RHOBTB3: variants seen among roughly 807,000 people sequenced by gnomAD.
RHOBTB3 encodes the protein rho-related BTB domain-containing protein 3.
In RHOBTB3, 47 loss-of-function variants were observed where a neutral mutation model predicts 67.2. The observed-to-expected ratio is 0.70, with a 90% confidence interval of 0.55 to 0.89. RHOBTB3 has a LOEUF of 0.89. Ranked by LOEUF, RHOBTB3 falls within the 40% of genes least tolerant of loss-of-function variation. RHOBTB3 has a pLI of 0.00. For missense variants in RHOBTB3, 631 were observed against 750.0 expected, an observed-to-expected ratio of 0.84 and a Z score of 1.85; for synonymous variants, 273 against 274.2, an observed-to-expected ratio of 1.00 and a Z score of 0.04.
At chr5:95,776,478 ATTAT>A (rs1226336456) in intron 8 of RHOBTB3, among the ~76,000 whole-genome samples, 1 of 152,168 alleles carries the variant, frequency 6.6e-6, no homozygotes, top group East Asian at 1.9e-4. Context: ...ATATTTTGTA[ATTAT>A]TTCACGCAAT....
At chr5:95,763,387 G>A (rs1745445728) in intron 6 of RHOBTB3, 121 bp from the exon 7 acceptor site, 4 of 635,220 alleles carry the variant, frequency 6.3e-6, no homozygotes, top group South Asian at 4.0e-5. Flanking sequence ...TTATAAGGAT[G>A]TATATCTGGT....
At position 95,731,648 on chromosome 5, in the gene RHOBTB3, C is replaced by G. The variant is rs200474432; in HGVS notation, c.-35C>G. On this transcript the variant is annotated 5_prime_UTR_variant, in exon 1 of 12. Transcript: ENST00000379982. ...CGCGAAGCCGTGAGCCGCTGCTTTT[C>G]TCCGAGTCGCCGCCCTGCCCTTGGA... 6.2e-7 allele frequency: 1 copy of G among 1,612,818 alleles called. No homozygotes were observed. The highest frequency in any genetic ancestry group is 1.3e-5 in the African/African-American group (1 of 75,022).
intron 6 of RHOBTB3, among the ~76,000 whole-genome samples, chr5:95,756,778 T>C (rs1159480387): frequency 6.6e-6 from 1 of 152,234 alleles, no homozygotes; most frequent in East Asian, 1.9e-4. Flanking sequence ...TCTTTTCATA[T>C]GTTTTTGTAT....
chr5:95,737,004 A>G lies in RHOBTB3; in HGVS notation c.344A>G (p.Tyr115Cys), dbSNP rs764286650. 2.5e-6 allele frequency: 4 copies of G among 1,606,288 alleles called. No homozygotes were observed. The East Asian group carries it at 6.7e-5, about 27-fold the overall frequency. ...TCATTCCATGAAGTAAAGGATAATT[A>G]TATTCCAGTGATAAAAAGAGCATTA... is the stretch of plus-strand genomic sequence containing the variant. Reference protein sequence around the residue: ...KFSFHEVKDNYIPVIKRALNS... With the variant: ...KFSFHEVKDNCIPVIKRALNS... Residue 115 changes from tyrosine to cysteine, a missense_variant, in exon 3 of 12, where the codon TAT becomes TGT. Physicochemically the swap from Tyr to Cys is radical, Grantham distance 194. Coordinates refer to ENST00000379982, the MANE Select transcript of RHOBTB3 (RefSeq NM_014899.4).
At chr5:95,746,902 C>CAT (rs1744931223) in intron 3 of RHOBTB3, among the ~76,000 whole-genome samples, 1 of 152,196 alleles carries the variant, frequency 6.6e-6, no homozygotes, top group African/African-American at 2.4e-5. Context: ...ACATGGTATG[C>CAT]ATATGCACTA....
intron 5 of RHOBTB3, among the ~76,000 whole-genome samples, chr5:95,754,658 T>C (rs559706299): frequency 1.3e-5 from 2 of 152,344 alleles, no homozygotes; most frequent in Admixed American, 1.3e-4. Context: ...GTAGGTATTC[T>C]GAGTTGATTG....
chr5:95,728,467 T>C (rs1755123546), upstream of RHOBTB3, among the ~76,000 whole-genome samples: 4 of 152,240 alleles, frequency 2.6e-5, no homozygotes. Context: ...GTTTACTTTC[T>C]TTATGAACTT....
chr5:95,737,207 T>C, intron 3 of RHOBTB3, 132 bp downstream of exon 3: 1 of 577,148 alleles, frequency 1.7e-6, no homozygotes, highest in Non-Finnish European at 3.0e-6. Context: ...TGCCAGCTGC[T>C]ATCGCTTCAT....
chr5:95,727,869 A>G (rs1020917664), upstream of RHOBTB3, among the ~76,000 whole-genome samples: 2 of 152,202 alleles, frequency 1.3e-5, no homozygotes, highest in African/African-American at 4.8e-5. Context: ...CTGAATATCT[A>G]TTTATCACTC....
intron 1 of RHOBTB3, among the ~76,000 whole-genome samples, chr5:95,723,910 C>T (rs1272459202): frequency 6.6e-6 from 1 of 152,108 alleles, no homozygotes; most frequent in Non-Finnish European, 1.5e-5. Flanking sequence ...AGCACACTCC[C>T]AAGGGCTATA....
intron 6 of RHOBTB3, chr5:95,755,974 A>C (rs1333352402): frequency 4.1e-6 from 2 of 490,706 alleles, no homozygotes; most frequent in Non-Finnish European, 7.1e-6. Context: ...TCTTTTCCCT[A>C]TCAATTTCAT....
intron 6 of RHOBTB3, among the ~76,000 whole-genome samples, chr5:95,756,308 G>A (rs1264221195): frequency 1.3e-5 from 2 of 152,088 alleles, no homozygotes; most frequent in African/African-American, 2.4e-5. Context: ...TGTCTTAAAG[G>A]TTCATCCAAG....
intron 8 of RHOBTB3, among the ~76,000 whole-genome samples, chr5:95,779,607 G>T (rs1000281154): frequency 6.6e-6 from 1 of 152,182 alleles, no homozygotes; most frequent in African/African-American, 2.4e-5. Context: ...CGTAGCACTG[G>T]CTCTCCCAGC....
rs1744958899 is a variant in RHOBTB3, at chr5:95,747,578, C to T, written c.416-755C>T. Among the ~76,000 whole-genome samples, 3 of 152,184 alleles carry T rather than the reference C, an allele frequency of 2.0e-5. No homozygotes were observed. In the South Asian group the frequency reaches 6.2e-4, roughly 32 times the overall value. ...AGTTAAACATATATTTTTAGCCTTA[C>T]TAGGGATGTTCTTATAGATAGATTG... is the stretch of plus-strand genomic sequence containing the variant. On this transcript the variant is annotated intron_variant, in intron 3 of 11. Coordinates refer to ENST00000379982, the MANE Select transcript of RHOBTB3 (RefSeq NM_014899.4).
upstream of RHOBTB3, among the ~76,000 whole-genome samples, chr5:95,730,232 C>G (rs1475902314): frequency 1.3e-5 from 2 of 152,110 alleles, no homozygotes; most frequent in African/African-American, 4.8e-5. Flanking sequence ...CTCAATACCC[C>G]CTCTTTCATA....
At position 95,772,325 on chromosome 5, in the gene RHOBTB3, A is replaced by AC. The variant is rs1018498011; in HGVS notation, c.1282+4161dup. Among the ~76,000 whole-genome samples, 182 of 152,270 alleles carry AC rather than the reference A, an allele frequency of 1.2e-3. 1 individual carries two copies. The highest frequency in any genetic ancestry group is 4.2e-3 in the African/African-American group (175 of 41,550). Reference sequence around the variant, plus strand: ...TATAACATAGTGTTGTATTAACCAGACCAAGCATCTCTGATCTTCCTGGAT... The same window carrying AC: ...TATAACATAGTGTTGTATTAACCAGACCCAAGCATCTCTGATCTTCCTGGAT... On this transcript the variant is annotated intron_variant, in intron 8 of 11. Coordinates refer to ENST00000379982, the MANE Select transcript of RHOBTB3 (RefSeq NM_014899.4).
intron 1 of RHOBTB3, among the ~76,000 whole-genome samples, chr5:95,724,527 G>A (rs925645400): frequency 6.6e-6 from 1 of 152,182 alleles, no homozygotes; most frequent in Non-Finnish European, 1.5e-5. Flanking sequence ...CAAACACTGG[G>A]TAAGGGCACA....
intron 7 of RHOBTB3, chr5:95,767,730 G>C: frequency 1.5e-6 from 1 of 676,454 alleles, no homozygotes; most frequent in South Asian, 1.5e-5. Flanking sequence ...TATGGAGTTG[G>C]ACTACTGTTG....
At chr5:95,767,342 CT>C (rs112510793) in intron 7 of RHOBTB3, among the ~76,000 whole-genome samples, 74,829 of 147,554 alleles carry the variant, frequency 0.51, 19,176 homozygotes, top group Admixed American at 0.59. Context: ...ATTTTTCTTT[CT>C]TTTTTTTTTT....
Sources: allele counts gnomAD v4.1 joint callset (sites outside exome capture counted in the v4.1 genomes callset), GRCh38; gene constraint gnomAD v4.1.1; transcripts MANE v1.5; gene names NCBI Gene and HGNC (gene_info 2026-07-23, HGNC 2026-07-21).